Variants in CYP2C19 observed in about 807,000 individuals in gnomAD.
CYP2C19 encodes cytochrome P450 2C19.
CYP2C19 carries 59 observed loss-of-function variants against 40.9 expected under a neutral mutation model. That is an observed-to-expected ratio of 1.44 (90% CI 1.17 to 1.79). The LOEUF (loss-of-function observed/expected upper bound fraction) is 1.79, where lower values mean the gene tolerates loss of function less well. Ranked by LOEUF, CYP2C19 falls within the 40% of genes most tolerant of loss-of-function variation. The pLI is 0.00. For synonymous variants in CYP2C19, 253 were observed against 208.7 expected, an observed-to-expected ratio of 1.21 and a Z score of -1.83; for missense variants, 754 against 596.9, an observed-to-expected ratio of 1.26 and a Z score of -2.74.
At chr10:94,779,638 G>A (rs1160555246) in intron 3 of CYP2C19, among the ~76,000 whole-genome samples, 1 of 140,084 alleles carries the variant, frequency 7.1e-6, no homozygotes, top group Non-Finnish European at 1.5e-5. Flanking sequence ...TCAGCTCACT[G>A]CAACCTCTGC....
At chr10:94,770,839 T>C (rs1848319572) in intron 1 of CYP2C19, among the ~76,000 whole-genome samples, 1 of 152,142 alleles carries the variant, frequency 6.6e-6, no homozygotes, top group African/African-American at 2.4e-5. Context: ...GTCCCCATGA[T>C]CTGAGTCGAG....
intron 5 of CYP2C19, among the ~76,000 whole-genome samples, chr10:94,798,245 T>G (rs1047780221): frequency 1.3e-5 from 2 of 152,192 alleles, no homozygotes; most frequent in African/African-American, 4.8e-5. Flanking sequence ...CATTTCGTTA[T>G]GTCCCCAGTA....
chr10:94,828,626 G>C (rs576295142), intron 6 of CYP2C19, among the ~76,000 whole-genome samples: 2 of 149,838 alleles, frequency 1.3e-5, no homozygotes, highest in Admixed American at 1.3e-4. Context: ...CAATTTGCAA[G>C]TCTGTGTCTT....
chr10:94,843,908 G>A (rs1190360503), intron 7 of CYP2C19, among the ~76,000 whole-genome samples: 1 of 152,098 alleles, frequency 6.6e-6, no homozygotes, highest in Non-Finnish European at 1.5e-5. Context: ...GTAGATTTTG[G>A]TAGAAATTCT....
chr10:94,797,578 G>T (rs1445014208), intron 5 of CYP2C19, among the ~76,000 whole-genome samples: 2 of 151,904 alleles, frequency 1.3e-5, no homozygotes, highest in African/African-American at 4.8e-5. Flanking sequence ...ATCTCCTCTT[G>T]GTACCTCTGG....
At chr10:94,830,862 G>T (rs1589371897) in intron 6 of CYP2C19, among the ~76,000 whole-genome samples, 1 of 152,094 alleles carries the variant, frequency 6.6e-6, no homozygotes, top group Non-Finnish European at 1.5e-5. Flanking sequence ...GCATGTCATG[G>T]AGAATGGGGT....
intron 1 of CYP2C19, 31 bp from the exon 2 acceptor site, chr10:94,775,027 C>T: frequency 6.2e-7 from 1 of 1,609,526 alleles, no homozygotes; most frequent in Non-Finnish European, 8.5e-7. Context: ...ACAGTGACTT[C>T]ATTTGCTGTT....
At chr10:94,780,382 G>A in intron 3 of CYP2C19, 117 bp from the exon 4 acceptor site, 1 of 1,332,744 alleles carries the variant, frequency 7.5e-7, no homozygotes, top group Non-Finnish European at 1.0e-6. Context: ...TGCTTTTAAG[G>A]GAATTCATAG....
At chr10:94,806,265 C>A (rs888911522) in intron 5 of CYP2C19, among the ~76,000 whole-genome samples, 3 of 152,034 alleles carry the variant, frequency 2.0e-5, no homozygotes, top group African/African-American at 7.3e-5. Flanking sequence ...AATAATATTC[C>A]GTTGTATGTA....
At chr10:94,804,563 C>T (rs1037343132) in intron 5 of CYP2C19, among the ~76,000 whole-genome samples, 2 of 152,220 alleles carry the variant, frequency 1.3e-5, no homozygotes, top group Non-Finnish European at 2.9e-5. Context: ...AGCCTCTCCC[C>T]ACCTTAGCTG....
At chr10:94,779,066 G>C (rs899987232) in intron 3 of CYP2C19, among the ~76,000 whole-genome samples, 6 of 152,040 alleles carry the variant, frequency 3.9e-5, no homozygotes, top group Admixed American at 3.9e-4. Flanking sequence ...TGAAAAATGA[G>C]AACACATGGA....
intron 4 of CYP2C19, among the ~76,000 whole-genome samples, chr10:94,780,973 C>T (rs1848472094): frequency 6.6e-6 from 1 of 152,140 alleles, no homozygotes; most frequent in Admixed American, 6.6e-5. Flanking sequence ...ACTCCATGGA[C>T]ATCCAGGCAC....
chr10:94,799,279 T>C (rs1211550844), intron 5 of CYP2C19, among the ~76,000 whole-genome samples: 1 of 151,794 alleles, frequency 6.6e-6, no homozygotes, highest in Non-Finnish European at 1.5e-5. Flanking sequence ...TTTGGCTGGA[T>C]ATGAAATTCT....
At chr10:94,794,965 G>T (rs1262854727) in intron 5 of CYP2C19, among the ~76,000 whole-genome samples, 1 of 151,870 alleles carries the variant, frequency 6.6e-6, no homozygotes, top group Non-Finnish European at 1.5e-5. Flanking sequence ...TGATGAGAGA[G>T]GGCATCCTTG....
In CYP2C19 at chr10:94,772,570, T is replaced by C. The variant is rs148152060; in HGVS notation, c.169-2488T>C. ...GACATGACTTTGAGAGTTCTGCTCATGGCCACAGGGTCAACCAACTTGTTG... is the reference window on the plus strand; with the variant it reads ...GACATGACTTTGAGAGTTCTGCTCACGGCCACAGGGTCAACCAACTTGTTG... On this transcript the variant is annotated intron_variant, in intron 1 of 8. Transcript: ENST00000371321. Among the ~76,000 whole-genome samples the C allele has an allele frequency of 9.5e-3, 1,450 of 152,252 alleles. 22 individuals are homozygous for C. The highest frequency in any genetic ancestry group is 0.03 in the African/African-American group (1,241 of 41,576).
chr10:94,773,660 G>A (rs1848365641), intron 1 of CYP2C19, among the ~76,000 whole-genome samples: 2 of 152,026 alleles, frequency 1.3e-5, no homozygotes, highest in Admixed American at 1.3e-4. Flanking sequence ...CTTAAAGGTG[G>A]CATATCTGGA....
intron 5 of CYP2C19, among the ~76,000 whole-genome samples, chr10:94,800,122 C>G (rs183368377): frequency 1.6e-4 from 25 of 152,294 alleles, no homozygotes; most frequent in African/African-American, 5.3e-4. Context: ...GCTCTGGTCT[C>G]TCCCCATCTT....
chr10:94,811,810 A>T (rs533745026), intron 5 of CYP2C19, among the ~76,000 whole-genome samples: 1 of 151,960 alleles, frequency 6.6e-6, no homozygotes, highest in South Asian at 2.1e-4. Flanking sequence ...CAGCACATTG[A>T]TGGGTCTTGA....
At chr10:94,841,298 T>C (rs1185891755) in intron 6 of CYP2C19, among the ~76,000 whole-genome samples, 1 of 152,114 alleles carries the variant, frequency 6.6e-6, no homozygotes, top group East Asian at 1.9e-4. Flanking sequence ...TTTAGCCCTA[T>C]CGGGAATGGC....
Sources: gnomAD v4.1 joint callset for allele counts (sites outside exome capture counted in the v4.1 genomes callset) on GRCh38, gnomAD v4.1.1 for gene constraint, MANE v1.5 for transcripts, NCBI Gene and HGNC (gene_info 2026-07-23, HGNC 2026-07-21) for gene names.